The following RAF1 variants were observed in gnomAD, a reference collection of about 807,000 sequenced individuals.
RAF1 encodes Raf-1 proto-oncogene, serine/threonine kinase.
RAF1 carries 27 observed loss-of-function variants against 81.1 expected under a neutral mutation model. That is an observed-to-expected ratio of 0.33 (90% CI 0.25 to 0.46). The LOEUF (loss-of-function observed/expected upper bound fraction) is 0.46. RAF1 is among the 20% of genes least tolerant of loss of function. The pLI is 1.00. For missense variants in RAF1, 598 were observed against 826.0 expected (o/e 0.72, Z 3.38); for synonymous variants, 298 against 294.0 (o/e 1.01, Z -0.14).
At chr3:12,629,430 A>T (rs976943058) in intron 1 of RAF1, among the ~76,000 whole-genome samples, 4 of 152,212 alleles carry the variant, frequency 2.6e-5, no homozygotes, top group Non-Finnish European at 5.9e-5. Flanking sequence ...AACAATAATG[A>T]TATTAGCTAA....
chr3:12,637,811 C>CT (rs2060076155), intron 1 of RAF1, among the ~76,000 whole-genome samples: 1 of 152,054 alleles, frequency 6.6e-6, no homozygotes, highest in African/African-American at 2.4e-5. Context: ...CGAAATTGCA[C>CT]TACTCCACTC....
chr3:12,657,237 G>A (rs1026030024), intron 1 of RAF1, among the ~76,000 whole-genome samples: 4 of 152,090 alleles, frequency 2.6e-5, no homozygotes, highest in Non-Finnish European at 5.9e-5. Flanking sequence ...TAGCCAGGGA[G>A]AGCCTGGAAG....
intron 1 of RAF1, among the ~76,000 whole-genome samples, chr3:12,659,212 G>A (rs9862218): frequency 0.33 from 50,183 of 151,258 alleles, 8,595 homozygotes; most frequent in Admixed American, 0.39. Context: ...TGGATCACTT[G>A]AGGTCAGGAG....
At chr3:12,620,087 A>AT (rs1559450480) in intron 1 of RAF1, among the ~76,000 whole-genome samples, 1 of 152,140 alleles carries the variant, frequency 6.6e-6, no homozygotes, top group African/African-American at 2.4e-5. Flanking sequence ...ATCTCAAAAA[A>AT]AATAATAATA....
intron 1 of RAF1, among the ~76,000 whole-genome samples, chr3:12,619,887 C>T (rs2059502134): frequency 6.6e-6 from 1 of 151,884 alleles, no homozygotes; most frequent in South Asian, 2.1e-4. Context: ...TCGAGACCAT[C>T]CTAGCTAACA....
intron 1 of RAF1, among the ~76,000 whole-genome samples, chr3:12,642,530 T>A (rs1336985298): frequency 6.6e-6 from 1 of 150,586 alleles, no homozygotes; most frequent in Non-Finnish European, 1.5e-5. Flanking sequence ...AAAAATTAAT[T>A]AATTAAAAAA....
intron 1 of RAF1, among the ~76,000 whole-genome samples, chr3:12,656,997 CGG>C (rs534448766): frequency 8.5e-6 from 1 of 117,948 alleles, no homozygotes; most frequent in African/African-American, 3.5e-5. Flanking sequence ...AACTCCATCT[CGG>C]GGAAAAAAAA....
intron 2 of RAF1, among the ~76,000 whole-genome samples, chr3:12,613,260 G>A (rs571446565): frequency 1.3e-5 from 2 of 152,246 alleles, no homozygotes; most frequent in South Asian, 4.2e-4. Flanking sequence ...TAACTTCAAA[G>A]CCAAGAATTA....
intron 1 of RAF1, among the ~76,000 whole-genome samples, chr3:12,625,844 T>C (rs1381011202): frequency 1.3e-5 from 2 of 152,060 alleles, no homozygotes; most frequent in Non-Finnish European, 2.9e-5. Flanking sequence ...CACGAGTCAT[T>C]TTCCATAATT....
chr3:12,612,672 A>G (rs565817544), intron 2 of RAF1, among the ~76,000 whole-genome samples: 1 of 150,766 alleles, frequency 6.6e-6, no homozygotes, highest in East Asian at 1.9e-4. Context: ...AAAAAAAGTG[A>G]AGAAATCTGT....
intron 1 of RAF1, among the ~76,000 whole-genome samples, chr3:12,649,981 C>G (rs2060471370): frequency 6.6e-6 from 1 of 151,488 alleles, no homozygotes; most frequent in East Asian, 1.9e-4. Context: ...CCCATCTCTA[C>G]TAAAAATACA....
chr3:12,584,025 C>T lies in RAF1; in HGVS notation c.*489G>A, dbSNP rs899685375. On this transcript the variant is annotated 3_prime_UTR_variant, in exon 18 of 18. Transcript: ENST00000442415. ...TTCGGGCGGCCAGAGTCTCGGCAGT[C>T]CTGGGCTGTTTGGTGCCTTATGTGC... 4 of 272,260 alleles carry T rather than the reference C, an allele frequency of 1.5e-5. No individual in the cohort carries two copies. The highest frequency in any genetic ancestry group is 2.9e-5 in the Non-Finnish European group (4 of 139,892). The allele number at this position is 272,260 out of a possible 1,614,324, so 16.9% of individuals were successfully genotyped here.
chr3:12,649,858 G>C (rs953871561), intron 1 of RAF1, among the ~76,000 whole-genome samples: 1 of 151,774 alleles, frequency 6.6e-6, no homozygotes, highest in Non-Finnish European at 1.5e-5. Context: ...TTTTTAATTA[G>C]CTGGGCAGCC....
Position 12,663,951 on chromosome 3 carries a change from C to T in RAF1, c.-165G>A, listed in dbSNP as rs947212212. Reference sequence around the variant, plus strand: ...GCCCAGGGGACGGAGCCCCGAGCAGCCCCCGCATCGTAGCAAACGCGCTCC... The same window carrying T: ...GCCCAGGGGACGGAGCCCCGAGCAGTCCCCGCATCGTAGCAAACGCGCTCC... On this transcript the variant is annotated 5_prime_UTR_variant, in exon 1 of 18. Coordinates refer to ENST00000442415, the MANE Select transcript of RAF1 (RefSeq NM_001354689.3). The T allele has an allele frequency of 4.0e-5, 16 of 398,316 alleles. No homozygotes were observed. Among genetic ancestry groups the T allele is most frequent in the African/African-American group, 8.2e-5 (4 of 48,622 alleles). 24.7% of individuals were successfully genotyped at this position (398,316 alleles called of 1,614,324 possible). A position where few individuals can be genotyped will look rare whatever the true frequency, so the allele number is the denominator to read the frequency against.
chr3:12,660,571 C>T (rs1463452209), intron 1 of RAF1, among the ~76,000 whole-genome samples: 1 of 152,168 alleles, frequency 6.6e-6, no homozygotes. Flanking sequence ...GCCTCGGCCT[C>T]CCAAAGTGCT....
chr3:12,619,273 T>A (rs904710707), intron 1 of RAF1, among the ~76,000 whole-genome samples: 1 of 139,912 alleles, frequency 7.1e-6, no homozygotes, highest in Non-Finnish European at 1.5e-5. Flanking sequence ...AACAAAACAT[T>A]TAGCAAGGGA....
At position 12,619,295 on chromosome 3, in the gene RAF1, G is replaced by A. The variant is rs1575601918; in HGVS notation, c.-26-548C>T. On this transcript the variant is annotated intron_variant, in intron 1 of 17. Transcript: ENST00000442415. ...CATTTAGCAAGGGACCAGGCACAGT[G>A]GCTCATGCCTGTAATCCCAGCACTT... Among the ~76,000 whole-genome samples, 3 of 152,098 alleles carry A rather than the reference G, an allele frequency of 2.0e-5. 1 individual carries two copies. The East Asian group carries it at 5.8e-4, about 29-fold the overall frequency.
chr3:12,629,453 T>C (rs1193917097), intron 1 of RAF1, among the ~76,000 whole-genome samples: 1 of 152,228 alleles, frequency 6.6e-6, no homozygotes, highest in Non-Finnish European at 1.5e-5. Context: ...TATTAGCTAA[T>C]ACAGAATGCT....
At chr3:12,584,686 T>C (rs776869096) in intron 17 of RAF1, 29 bp from the exon 17 acceptor site, 4 of 1,614,004 alleles carry the variant, frequency 2.5e-6, no homozygotes, top group South Asian at 2.2e-5. Flanking sequence ...ATGCTCTCAT[T>C]AGCTGTGTCT....
Sources: allele counts gnomAD v4.1 joint callset (sites outside exome capture counted in the v4.1 genomes callset), GRCh38; gene constraint gnomAD v4.1.1; transcripts MANE v1.5; gene names NCBI Gene and HGNC (gene_info 2026-07-23, HGNC 2026-07-21).